ATP8A2: variants seen among roughly 807,000 people sequenced by gnomAD.
ATP8A2 encodes the protein phospholipid-transporting ATPase IB.
ATP8A2 carries 100 observed loss-of-function variants against 165.6 expected under a neutral mutation model. That is an observed-to-expected ratio of 0.60 (90% confidence interval 0.51 to 0.71). ATP8A2 has a LOEUF of 0.71. Ranked by LOEUF, ATP8A2 falls within the 30% of genes least tolerant of loss-of-function variation. The pLI is 0.00. For missense variants in ATP8A2, 1,227 were observed against 1,479.5 expected (o/e 0.83, Z 2.80); for synonymous variants, 543 against 548.8 (o/e 0.99, Z 0.15).
In ATP8A2 at chr13:26,023,433, G is replaced by A. The variant is rs1361204193; in HGVS notation, c.*3448G>A. The A allele has an allele frequency of 3.9e-5, 6 of 152,102 alleles. No homozygotes were observed. The highest frequency in any genetic ancestry group is 5.9e-5 in the Non-Finnish European group (4 of 68,024). 9.4% of individuals were successfully genotyped at this position (152,102 alleles called of 1,614,324 possible). ...AGGCTTCAGGTTCGTCTCACTATAG[G>A]GAGCTGGCTGTGAAAATCAGTAATA... is the stretch of plus-strand genomic sequence containing the variant. On this transcript the variant is annotated 3_prime_UTR_variant, in exon 37 of 37. Coordinates refer to ENST00000381655, the MANE Select transcript of ATP8A2 (RefSeq NM_016529.6).
At chr13:25,437,978 C>T (rs1473079912) in intron 1 of ATP8A2, among the ~76,000 whole-genome samples, 2 of 152,136 alleles carry the variant, frequency 1.3e-5, no homozygotes, top group Non-Finnish European at 2.9e-5. Flanking sequence ...AGAAAACAAC[C>T]TTTAGAAAAC....
At chr13:25,656,242 A>T (rs930662873) in intron 24 of ATP8A2, among the ~76,000 whole-genome samples, 15 of 151,806 alleles carry the variant, frequency 9.9e-5, no homozygotes, top group African/African-American at 3.6e-4. Flanking sequence ...AAATGAAGTG[A>T]TTCCCTAGTG....
At chr13:25,717,418 T>TAA (rs55732375) in intron 25 of ATP8A2, among the ~76,000 whole-genome samples, 5 of 95,040 alleles carry the variant, frequency 5.3e-5, no homozygotes, top group Non-Finnish European at 1.2e-4. Context: ...CTGAAAAAAC[T>TAA]AAAAAAAAAA....
At chr13:25,558,871 C>A in intron 13 of ATP8A2, 102 bp from the exon 14 acceptor site, 3 of 695,966 alleles carry the variant, frequency 4.3e-6, no homozygotes, top group East Asian at 5.8e-5. Context: ...GAAATCTACC[C>A]GTTTCATACA....
intron 28 of ATP8A2, among the ~76,000 whole-genome samples, chr13:25,832,362 C>T (rs888606946): frequency 9.9e-5 from 15 of 152,164 alleles, no homozygotes; most frequent in Non-Finnish European, 1.9e-4. Flanking sequence ...TATTATTTGA[C>T]CACTTGCAGA....
chr13:25,796,651 A>G (rs1296432589), intron 27 of ATP8A2, among the ~76,000 whole-genome samples: 1 of 152,102 alleles, frequency 6.6e-6, no homozygotes, highest in Non-Finnish European at 1.5e-5. Context: ...ATTTCTCCAC[A>G]CTCACTTGAA....
At chr13:25,837,112 G>T in intron 28 of ATP8A2, 51 bp from the exon 29 acceptor site, 1 of 1,593,780 alleles carries the variant, frequency 6.3e-7, no homozygotes. Flanking sequence ...GAACAATGAA[G>T]CCGTGTGGAT....
intron 33 of ATP8A2, among the ~76,000 whole-genome samples, chr13:25,866,871 T>A (rs1050368629): frequency 6.6e-6 from 1 of 152,184 alleles, no homozygotes; most frequent in Non-Finnish European, 1.5e-5. Context: ...GAGTGATTGC[T>A]CATGTTAAGT....
At chr13:25,928,627 A>G (rs1188153539) in intron 33 of ATP8A2, among the ~76,000 whole-genome samples, 1 of 152,240 alleles carries the variant, frequency 6.6e-6, no homozygotes, top group Non-Finnish European at 1.5e-5. Flanking sequence ...CAGTTGTAGG[A>G]TTCCTGTGCC....
chr13:25,488,941 A>G (rs1483960183), intron 2 of ATP8A2, among the ~76,000 whole-genome samples: 1 of 139,742 alleles, frequency 7.2e-6, no homozygotes, highest in Non-Finnish European at 1.5e-5. Flanking sequence ...AACCCTGGCT[A>G]GGTTGGGATA....
At chr13:25,692,631 T>A (rs988840357) in intron 24 of ATP8A2, among the ~76,000 whole-genome samples, 4 of 152,220 alleles carry the variant, frequency 2.6e-5, no homozygotes, top group Non-Finnish European at 5.9e-5. Flanking sequence ...AGGGCTGCAC[T>A]TCCACCGTCT....
chr13:25,799,606 T>C (rs569390814), intron 27 of ATP8A2, among the ~76,000 whole-genome samples: 70 of 152,204 alleles, frequency 4.6e-4, no homozygotes, highest in Non-Finnish European at 7.8e-4. Flanking sequence ...GGAGGGCAGC[T>C]GTGGGCTGCA....
intron 1 of ATP8A2, among the ~76,000 whole-genome samples, chr13:25,388,016 T>C (rs1433975047): frequency 1.3e-5 from 2 of 151,870 alleles, no homozygotes; most frequent in African/African-American, 4.8e-5. Context: ...TGAGCCAAGA[T>C]TGCACCACTG....
chr13:25,952,504 C>T (rs1955396596), intron 33 of ATP8A2, among the ~76,000 whole-genome samples: 1 of 152,042 alleles, frequency 6.6e-6, no homozygotes, highest in African/African-American at 2.4e-5. Flanking sequence ...CCTTAGCCTC[C>T]CAAATTTCTG....
At chr13:25,796,393 GTGT>G in intron 27 of ATP8A2, among the ~76,000 whole-genome samples, 1 of 152,308 alleles carries the variant, frequency 6.6e-6, no homozygotes, top group Non-Finnish European at 1.5e-5. Context: ...AGGCAGGTGT[GTGT>G]TGTTTATTAC....
chr13:25,858,205 G>A (rs1952228597), intron 30 of ATP8A2, among the ~76,000 whole-genome samples: 1 of 152,172 alleles, frequency 6.6e-6, no homozygotes, highest in Non-Finnish European at 1.5e-5. Context: ...CCTGAAAAGT[G>A]AACTCCTACA....
intron 24 of ATP8A2, among the ~76,000 whole-genome samples, chr13:25,625,060 G>T (rs1332366685): frequency 1.3e-5 from 2 of 152,106 alleles, no homozygotes; most frequent in Non-Finnish European, 2.9e-5. Flanking sequence ...CATTTTGGGG[G>T]ATCTTTAAGC....
intron 2 of ATP8A2, among the ~76,000 whole-genome samples, chr13:25,518,966 A>G (rs2037569568): frequency 6.6e-6 from 1 of 152,104 alleles, no homozygotes; most frequent in Non-Finnish European, 1.5e-5. Flanking sequence ...CATCTCCCAA[A>G]AGGAAAAAGG....
chr13:25,383,162 C>T (rs1477019597), intron 1 of ATP8A2, among the ~76,000 whole-genome samples: 2 of 151,990 alleles, frequency 1.3e-5, no homozygotes, highest in Admixed American at 1.3e-4. Flanking sequence ...TCTCCTGCCT[C>T]AGCCTCCCAA....
Sources: allele counts gnomAD v4.1 joint callset (sites outside exome capture counted in the v4.1 genomes callset), GRCh38; gene constraint gnomAD v4.1.1; transcripts MANE v1.5; gene names NCBI Gene and HGNC (gene_info 2026-07-23, HGNC 2026-07-21).